Variants in TCF12 observed in about 807,000 individuals in gnomAD.
TCF12 encodes transcription factor 12.
TCF12 carries 45 observed loss-of-function variants against 86.0 expected under a neutral mutation model. The observed-to-expected ratio is 0.52, with a 90% CI of 0.41 to 0.67. The LOEUF is 0.67. TCF12 is among the 30% of genes least tolerant of loss of function. TCF12 has a pLI of 0.00. For synonymous variants in TCF12, 330 were observed against 299.6 expected, an observed-to-expected ratio of 1.10 and a Z score of -1.05; for missense variants, 881 against 859.9, an observed-to-expected ratio of 1.02 and a Z score of -0.31.
chr15:57,031,531 A>G (rs1173775720), intron 3 of TCF12, among the ~76,000 whole-genome samples: 1 of 152,228 alleles, frequency 6.6e-6, no homozygotes, highest in African/African-American at 2.4e-5. Flanking sequence ...AAAAGAGGAT[A>G]ATATTCTCCG....
chr15:57,071,926 T>C (rs2069425032), intron 4 of TCF12, among the ~76,000 whole-genome samples: 1 of 152,138 alleles, frequency 6.6e-6, no homozygotes, highest in Non-Finnish European at 1.5e-5. Context: ...AGATAATAAA[T>C]CAGCTTACTT....
intron 5 of TCF12, among the ~76,000 whole-genome samples, chr15:57,109,578 A>G (rs1401752872): frequency 6.6e-6 from 1 of 152,198 alleles, no homozygotes; most frequent in African/African-American, 2.4e-5. Flanking sequence ...AGTTAACTTA[A>G]ACCTGTGGCC....
chr15:57,055,186 G>A (rs551937299), intron 3 of TCF12, among the ~76,000 whole-genome samples: 2 of 152,030 alleles, frequency 1.3e-5, no homozygotes, highest in African/African-American at 2.4e-5. Context: ...GAATCAAGCC[G>A]GGGTCAGGAG....
At chr15:56,939,967 G>GTTTTTTTTTTTTTTTTTTTTTT (rs67832685) in intron 3 of TCF12, among the ~76,000 whole-genome samples, 1 of 104,752 alleles carries the variant, frequency 9.5e-6, no homozygotes, top group Non-Finnish European at 1.8e-5. Context: ...TTAATAGCGT[G>GTTTTTTTTTTTTTTTTTTTTTT]TTTTTTTTTT....
intron 20 of TCF12, among the ~76,000 whole-genome samples, chr15:57,284,351 A>T (rs2061838814): frequency 6.6e-6 from 1 of 151,606 alleles, no homozygotes; most frequent in Non-Finnish European, 1.5e-5. Context: ...GGGATTACAG[A>T]CATACACCAC....
At chr15:57,131,096 G>T (rs1419225746) in intron 5 of TCF12, among the ~76,000 whole-genome samples, 1 of 152,108 alleles carries the variant, frequency 6.6e-6, no homozygotes, top group Non-Finnish European at 1.5e-5. Flanking sequence ...GATATTTCCT[G>T]TGTCTTTGGG....
Position 57,075,804 on chromosome 15 carries a change from TTCTC to T in TCF12, c.222+12009_222+12012del, listed in dbSNP as rs1244304206. Among the ~76,000 whole-genome samples, 27 of 28,590 alleles carry T rather than the reference TTCTC, an allele frequency of 9.4e-4. 3 individuals are homozygous for T. Among genetic ancestry groups the T allele is most frequent in the African/African-American group, 2.8e-3 (20 of 7,088 alleles). The allele number at this position is 28,590 out of a possible 152,430, so 18.8% of individuals were successfully genotyped here. A position where few individuals can be genotyped will look rare whatever the true frequency, so the allele number is the denominator to read the frequency against. ...TTTCTTTCTTTCTTTCTTTCTTTCT[TTCTC>T]TCTCTCTCTCTCTCTCTCTCTCTCT... On this transcript the variant is annotated intron_variant, in intron 4 of 20. Transcript: ENST00000333725.
chr15:57,093,267 A>G (rs2049109429), intron 5 of TCF12, among the ~76,000 whole-genome samples: 4 of 152,212 alleles, frequency 2.6e-5, no homozygotes, highest in Admixed American at 2.6e-4. Context: ...GCTTGCCATC[A>G]AAGTAAAATC....
chr15:57,257,063 A>G (rs1040425898), intron 16 of TCF12, among the ~76,000 whole-genome samples: 2 of 152,246 alleles, frequency 1.3e-5, no homozygotes, highest in Non-Finnish European at 2.9e-5. Context: ...GAAAGCAGCT[A>G]TAGATAATAT....
At chr15:57,206,049 A>G (rs1482138162) in intron 8 of TCF12, among the ~76,000 whole-genome samples, 1 of 152,240 alleles carries the variant, frequency 6.6e-6, no homozygotes, top group African/African-American at 2.4e-5. Flanking sequence ...GTAAGATCTT[A>G]GAGACTTCAC....
At chr15:57,170,705 A>ATAATATATT (rs1491151079) in intron 6 of TCF12, among the ~76,000 whole-genome samples, 1 of 36,758 alleles carries the variant, frequency 2.7e-5, no homozygotes, top group Admixed American at 5.1e-4. Flanking sequence ...TATTATATAT[A>ATAATATATT]ATATATAATA....
intron 3 of TCF12, among the ~76,000 whole-genome samples, chr15:56,921,801 C>G (rs1008228632): frequency 6.6e-6 from 1 of 151,916 alleles, no homozygotes; most frequent in African/African-American, 2.4e-5. Context: ...TCTTAAAATA[C>G]TGTGAGAATA....
chr15:56,990,713 C>T (rs559499078), intron 3 of TCF12, among the ~76,000 whole-genome samples: 1 of 152,094 alleles, frequency 6.6e-6, no homozygotes, highest in Non-Finnish European at 1.5e-5. Flanking sequence ...TTCTGAAATA[C>T]TGCTGAGCTT....
chr15:57,007,800 TTCTTTCTTTCTTTCTTTCTTTTTC>T (rs1273240304), intron 3 of TCF12, among the ~76,000 whole-genome samples: 1 of 133,492 alleles, frequency 7.5e-6, no homozygotes, highest in East Asian at 2.1e-4. Flanking sequence ...CTCTCTTTCT[TTCTTTCTTTCTTTCTTTCTTTTTC>T]TTTCTTTCTT....
chr15:57,248,356 A>G (rs544345705), intron 13 of TCF12, among the ~76,000 whole-genome samples: 7 of 152,198 alleles, frequency 4.6e-5, no homozygotes, highest in African/African-American at 1.7e-4. Flanking sequence ...CTCTGGCCAC[A>G]AGATAGAAGA....
chr15:57,233,565 G>A (rs140989881), intron 11 of TCF12, among the ~76,000 whole-genome samples: 5 of 151,654 alleles, frequency 3.3e-5, no homozygotes, highest in Admixed American at 6.6e-5. Context: ...TACAACCTCC[G>A]CCTCCAGGCT....
intron 3 of TCF12, among the ~76,000 whole-genome samples, chr15:56,947,266 G>A (rs1297499248): frequency 6.6e-6 from 1 of 152,026 alleles, no homozygotes; most frequent in Non-Finnish European, 1.5e-5. Context: ...TACAACTCTG[G>A]TTGTTTTTCG....
chr15:57,140,204 A>ACAGAATATT (rs756990428), intron 5 of TCF12, among the ~76,000 whole-genome samples: 19 of 152,224 alleles, frequency 1.2e-4, no homozygotes, highest in Admixed American at 6.5e-4. Flanking sequence ...TATGCATACA[A>ACAGAATATT]CAGAATATTA....
chr15:57,016,987 A>C (rs184848788), intron 3 of TCF12, among the ~76,000 whole-genome samples: 13 of 152,278 alleles, frequency 8.5e-5, no homozygotes, highest in African/African-American at 3.1e-4. Flanking sequence ...TGTTGCTGTC[A>C]TGACAGTGGG....
Sources: allele counts gnomAD v4.1 joint callset (sites outside exome capture counted in the v4.1 genomes callset), GRCh38; gene constraint gnomAD v4.1.1; transcripts MANE v1.5; gene names NCBI Gene and HGNC (gene_info 2026-07-23, HGNC 2026-07-21).